The following ELF5 variants were observed in gnomAD, a reference collection of about 807,000 sequenced individuals.
ELF5 encodes the protein E74 like ETS transcription factor 5, also known as ETS-related transcription factor Elf-5.
Under a neutral mutation model 38.2 loss-of-function variants are expected in ELF5, and 31 were observed. The observed-to-expected ratio is 0.81, with a 90% CI of 0.61 to 1.10. The LOEUF (loss-of-function observed/expected upper bound fraction) is 1.10. ELF5 is among the 50% of genes least tolerant of loss of function. ELF5 has a pLI of 0.00. For missense variants in ELF5, 300 were observed against 306.6 expected (o/e 0.98, Z 0.16); for synonymous variants, 121 against 112.5 (o/e 1.08, Z -0.48).
chr11:34,493,629 G>C lies in ELF5; in HGVS notation c.205C>G (p.Gln69Glu). The C allele has an allele frequency of 6.2e-7, 1 of 1,614,176 alleles. No homozygotes were observed. Among genetic ancestry groups the C allele is most frequent in the Non-Finnish European group, 8.5e-7 (1 of 1,180,040 alleles). The change falls in exon 3 of 7, where the codon CAG (glutamine) becomes GAG (glutamate). Residue 69 changes from glutamine (Q) to glutamate (E), a missense_variant. Gln to Glu is a conservative substitution (Grantham distance 29). Transcript: ENST00000257832. ...ATGCAATTGGTGTCCAACTTGTACT[G>C]GTCGCAGCAGAACTGGAGCCACTCC... ...VWEWLQFCCDQYKLDTNCISF... is the reference protein window; with the variant it reads ...VWEWLQFCCDEYKLDTNCISF...
At chr11:34,481,873 A>G (rs1168734602) in intron 5 of ELF5, among the ~76,000 whole-genome samples, 2 of 152,194 alleles carry the variant, frequency 1.3e-5, no homozygotes, top group Non-Finnish European at 2.9e-5. Context: ...GGATTTAATG[A>G]TTTAATACAT....
chr11:34,498,918 C>T (rs1366120896), intron 2 of ELF5, among the ~76,000 whole-genome samples: 2 of 151,986 alleles, frequency 1.3e-5, no homozygotes, highest in Non-Finnish European at 2.9e-5. Flanking sequence ...AAGGTGAAAC[C>T]CTGTCTCTAC....
intron 2 of ELF5, among the ~76,000 whole-genome samples, chr11:34,499,955 A>G (rs1210304844): frequency 6.6e-6 from 1 of 152,206 alleles, no homozygotes; most frequent in African/African-American, 2.4e-5. Context: ...TAAAAATAAC[A>G]ATAGTACCTA....
At chr11:34,490,333 G>C (rs1284702208) in intron 3 of ELF5, among the ~76,000 whole-genome samples, 3 of 152,182 alleles carry the variant, frequency 2.0e-5, no homozygotes, top group Non-Finnish European at 4.4e-5. Flanking sequence ...GCAGGCACTG[G>C]GGAGTAAGCT....
At chr11:34,507,963 T>C (rs999876408) in intron 1 of ELF5, among the ~76,000 whole-genome samples, 3 of 152,216 alleles carry the variant, frequency 2.0e-5, no homozygotes, top group African/African-American at 7.2e-5. Flanking sequence ...AGCACTATTA[T>C]TTACTTAAAA....
At chr11:34,489,673 T>C (rs777906517) in intron 4 of ELF5, among the ~76,000 whole-genome samples, 1 of 151,840 alleles carries the variant, frequency 6.6e-6, no homozygotes, top group Non-Finnish European at 1.5e-5. Flanking sequence ...AAATGGATAC[T>C]GGTTTGGGAG....
At chr11:34,507,508 C>T (rs1271191149) in intron 1 of ELF5, among the ~76,000 whole-genome samples, 5 of 152,158 alleles carry the variant, frequency 3.3e-5, no homozygotes, top group Non-Finnish European at 7.4e-5. Flanking sequence ...ACTTTGGTGG[C>T]GGCAAGGAGC....
At chr11:34,502,985 G>T (rs1390140487) in intron 2 of ELF5, among the ~76,000 whole-genome samples, 1 of 152,166 alleles carries the variant, frequency 6.6e-6, no homozygotes, top group East Asian at 1.9e-4. Context: ...AATGCCACTG[G>T]TGATCACTTC....
At chr11:34,491,169 G>T (rs1051757591) in intron 3 of ELF5, among the ~76,000 whole-genome samples, 1 of 152,152 alleles carries the variant, frequency 6.6e-6, no homozygotes, top group East Asian at 1.9e-4. Flanking sequence ...TAGAATTTAT[G>T]ATCTAAATGG....
intron 4 of ELF5, among the ~76,000 whole-genome samples, chr11:34,488,585 C>G (rs1318490009): frequency 6.6e-6 from 1 of 152,230 alleles, no homozygotes; most frequent in Non-Finnish European, 1.5e-5. Flanking sequence ...TCCTCATCAT[C>G]ATAATCATCA....
In ELF5 at chr11:34,501,903, C is replaced by T. The variant is rs146668667; in HGVS notation, c.121+3726G>A. Among the ~76,000 whole-genome samples the T allele has an allele frequency of 2.3e-3, 348 of 152,250 alleles. 1 individual carries two copies. Among genetic ancestry groups the T allele is most frequent in the African/African-American group, 8.1e-3 (336 of 41,548 alleles). ...TCCTAGACATCATTTGTCTAGAAGG[C>T]ACATCATTTTTTTTTCTCCTTTTCC... is the stretch of plus-strand genomic sequence containing the variant. On this transcript the variant is annotated intron_variant, in intron 2 of 6. Coordinates refer to ENST00000257832, the MANE Select transcript of ELF5 (RefSeq NM_001422.4).
chr11:34,504,977 C>G (rs181329578), intron 2 of ELF5, among the ~76,000 whole-genome samples: 1 of 152,214 alleles, frequency 6.6e-6, no homozygotes, highest in East Asian at 1.9e-4. Context: ...CTTATAGTAG[C>G]TCTCATCACC....
chr11:34,482,424 C>G lies in ELF5; in HGVS notation c.475+7G>C, dbSNP rs755140975. On this transcript the variant is annotated splice_region_variant and intron_variant, in intron 5 of 6. Coordinates refer to ENST00000257832, the MANE Select transcript of ELF5 (RefSeq NM_001422.4). ...AATTAGAATGAAAACTGGCATCCTG[C>G]ACTTACTTGTTCTACTATGACTGTG... The G allele has an allele frequency of 6.2e-6, 10 of 1,612,760 alleles. No homozygotes were observed. Among genetic ancestry groups the G allele is most frequent in the Non-Finnish European group, 8.5e-6 (10 of 1,179,224 alleles).
intron 2 of ELF5, among the ~76,000 whole-genome samples, chr11:34,497,619 G>C (rs1850349503): frequency 6.6e-6 from 1 of 152,190 alleles, no homozygotes; most frequent in Admixed American, 6.5e-5. Context: ...GCCTGAAGTG[G>C]CCCCATGTGG....
At chr11:34,512,396 G>T (rs1850782529) in intron 1 of ELF5, among the ~76,000 whole-genome samples, 2 of 152,128 alleles carry the variant, frequency 1.3e-5, no homozygotes, top group African/African-American at 4.8e-5. Flanking sequence ...TGTAGGCTTC[G>T]ATGCAAAGCT....
At chr11:34,494,527 C>T (rs1242849520) in intron 2 of ELF5, among the ~76,000 whole-genome samples, 1 of 152,110 alleles carries the variant, frequency 6.6e-6, no homozygotes, top group Non-Finnish European at 1.5e-5. Flanking sequence ...GATCAGAGCC[C>T]CCACTCCTTT....
At chr11:34,486,566 A>C (rs1301397405) in intron 4 of ELF5, among the ~76,000 whole-genome samples, 1 of 152,202 alleles carries the variant, frequency 6.6e-6, no homozygotes, top group Non-Finnish European at 1.5e-5. Context: ...GCCTATGTGA[A>C]TATGTGTGTG....
intron 1 of ELF5, among the ~76,000 whole-genome samples, chr11:34,508,138 A>C (rs1590343764): frequency 1.3e-5 from 2 of 152,356 alleles, no homozygotes; most frequent in South Asian, 4.1e-4. Context: ...CACCTAAATC[A>C]GGGGTTAGCA....
In ELF5 at chr11:34,505,557, C is replaced by A; in HGVS notation, c.121+72G>T. The A allele has an allele frequency of 3.1e-6, 5 of 1,599,104 alleles. No individual in the cohort carries two copies. In the South Asian group the frequency reaches 4.5e-5, roughly 14 times the overall value. On this transcript the variant is annotated intron_variant, in intron 2 of 6. Transcript: ENST00000257832. ...GCCCCAGCACAGCTTTGTCTTCCACCTGCGGCCAGCACCACCTCCTGCCCT... is the reference window on the plus strand; with the variant it reads ...GCCCCAGCACAGCTTTGTCTTCCACATGCGGCCAGCACCACCTCCTGCCCT...
Sources: gnomAD v4.1 joint callset for allele counts (sites outside exome capture counted in the v4.1 genomes callset) on GRCh38, gnomAD v4.1.1 for gene constraint, MANE v1.5 for transcripts, NCBI Gene and HGNC (gene_info 2026-07-23, HGNC 2026-07-21) for gene names.